Variants in CLTCL1 observed in about 807,000 individuals in gnomAD.
CLTCL1 encodes the protein clathrin heavy chain like 1.
In CLTCL1, 159 loss-of-function variants were observed where a neutral mutation model predicts 190.0. The ratio of observed to expected loss-of-function variants is 0.84; its 90% CI spans 0.74 to 0.95. The LOEUF is 0.95. Ranked by LOEUF, CLTCL1 falls within the 40% of genes least tolerant of loss-of-function variation. The pLI is 0.00. For synonymous variants in CLTCL1, 752 were observed against 769.6 expected (o/e 0.98, Z 0.38); for missense variants, 1,878 against 2,033.4 (o/e 0.92, Z 1.47).
At position 19,226,210 on chromosome 22, in the gene CLTCL1, A is replaced by G; in HGVS notation, c.1947+9T>C. 2 of 1,613,132 alleles carry G rather than the reference A, an allele frequency of 1.2e-6. No homozygotes were observed. The highest frequency in any genetic ancestry group is 2.7e-5 in the African/African-American group (2 of 75,046). ...AGCCATAATAGGAGTGCCCAGGGGT[A>G]CACAGTACCTCGGGATTGAGGAGGT... On this transcript the variant is annotated intron_variant, in intron 12 of 32. Transcript: ENST00000427926.
In CLTCL1 at chr22:19,222,680, G is replaced by C. The variant is rs1427894604; in HGVS notation, c.2418+4C>G. The C allele has an allele frequency of 6.3e-7, 1 of 1,588,372 alleles. No homozygotes were observed. Among genetic ancestry groups the C allele is most frequent in the Non-Finnish European group, 8.6e-7 (1 of 1,167,242 alleles). On this transcript the variant is annotated splice_donor_region_variant and intron_variant, in intron 15 of 32. Coordinates refer to ENST00000427926, the MANE Select transcript of CLTCL1 (RefSeq NM_007098.4). ...CGGGTGTCACTCCAGGGAGCCAGCA[G>C]TACCTTCTGCACGTAGATCTCAATG...
intron 29 of CLTCL1, among the ~76,000 whole-genome samples, chr22:19,186,703 C>T (rs920831066): frequency 3.3e-5 from 5 of 151,978 alleles, no homozygotes; most frequent in South Asian, 2.1e-4. Context: ...TGGGTTCAAG[C>T]GATTCTCCTG....
chr22:19,221,481 C>T lies in CLTCL1; in HGVS notation c.2692G>A (p.Ala898Thr), dbSNP rs1555952276. ...CCCACCACGCTGCTGTCATAGTAGG[C>T]ATTCTCTCTCAGGAAGCACTCGGGG... ...NSPECFLREN[A>T]YYDSSVVGRY... is the part of the protein sequence containing the mutation. Residue 898 changes from alanine (A) to threonine (T), a missense_variant, in exon 17 of 33, where the codon GCC becomes ACC. Coordinates refer to ENST00000427926, the MANE Select transcript of CLTCL1 (RefSeq NM_007098.4). 2 of 1,595,034 alleles carry T rather than the reference C, an allele frequency of 1.3e-6. No homozygotes were observed. Among genetic ancestry groups the T allele is most frequent in the Non-Finnish European group, 1.7e-6 (2 of 1,170,514 alleles).
At chr22:19,234,344 C>G (rs1169756505) in intron 7 of CLTCL1, among the ~76,000 whole-genome samples, 165 bp downstream of exon 7, 7 of 152,194 alleles carry the variant, frequency 4.6e-5, no homozygotes, top group African/African-American at 7.2e-5. Flanking sequence ...TTTTTGTTTA[C>G]TTCCTTTACT....
At chr22:19,204,894 G>A (rs782204079) in intron 22 of CLTCL1, among the ~76,000 whole-genome samples, 2 of 152,158 alleles carry the variant, frequency 1.3e-5, no homozygotes, top group African/African-American at 2.4e-5. Flanking sequence ...TATGAACATA[G>A]GTAAAGAGCC....
At chr22:19,244,124 C>T (rs1211401465) in intron 3 of CLTCL1, among the ~76,000 whole-genome samples, 1 of 152,232 alleles carries the variant, frequency 6.6e-6, no homozygotes, top group Non-Finnish European at 1.5e-5. Context: ...TCAATCCTCT[C>T]TGCTGAGTGA....
At chr22:19,266,003 A>G (rs1361640603) in intron 2 of CLTCL1, among the ~76,000 whole-genome samples, 1 of 151,948 alleles carries the variant, frequency 6.6e-6, no homozygotes, top group Non-Finnish European at 1.5e-5. Context: ...ACTTCTGAGT[A>G]GCTGGAACCA....
chr22:19,196,755 G>A (rs373533936), intron 24 of CLTCL1, 99 bp from the exon 25 acceptor site: 2 of 1,364,798 alleles, frequency 1.5e-6, no homozygotes, highest in Admixed American at 2.3e-5. Flanking sequence ...GCTTGTGACT[G>A]GGAATGATCC....
intron 26 of CLTCL1, among the ~76,000 whole-genome samples, chr22:19,193,089 G>C (rs2084569656): frequency 6.6e-6 from 1 of 152,078 alleles, no homozygotes; most frequent in African/African-American, 2.4e-5. Context: ...CAACCACAAG[G>C]CTCCTCAGGC....
chr22:19,233,757 C>T, intron 7 of CLTCL1, 135 bp from the exon 8 acceptor site: 1 of 724,796 alleles, frequency 1.4e-6, no homozygotes, highest in East Asian at 2.7e-5. Flanking sequence ...AAGTCCTCTA[C>T]CAAGGCAACT....
chr22:19,265,167 GCTATAA>G (rs2087080914), intron 2 of CLTCL1, among the ~76,000 whole-genome samples: 1 of 152,116 alleles, frequency 6.6e-6, no homozygotes, highest in South Asian at 2.1e-4. Flanking sequence ...TCTAAAGTTA[GCTATAA>G]CTATATTATC....
intron 4 of CLTCL1, 93 bp from the exon 5 acceptor site, chr22:19,239,481 A>G: frequency 1.2e-6 from 1 of 860,376 alleles, no homozygotes; most frequent in Non-Finnish European, 2.0e-6. Flanking sequence ...CCTCAGCTCC[A>G]CACACTGGAT....
chr22:19,201,345 G>C lies in CLTCL1; in HGVS notation c.3749C>G (p.Thr1250Ser). ...AVDNSRKASS[T>S]RTWKEVCFAC... ...GCAGCTCACCTCCTTCCACGTCCGG[G>C]TGCTGCTGGCCTTGCGGCTGTTGTC... is the stretch of plus-strand genomic sequence containing the variant. The change falls in exon 23 of 33, where the codon ACC (threonine) becomes AGC (serine). Residue 1250 changes from threonine to serine, a missense_variant. Physicochemically the swap from Thr to Ser is moderately conservative, Grantham distance 58. Transcript: ENST00000427926. 6.2e-7 allele frequency: 1 copy of C among 1,612,478 alleles called. No individual in the cohort carries two copies.
rs1555928927 is a variant in CLTCL1 at position 19,187,573 on chromosome 22, C to T, written c.4590G>A (p.Lys1530=). The T allele has an allele frequency of 6.2e-6, 10 of 1,611,654 alleles. No homozygotes were observed. The highest frequency in any genetic ancestry group is 1.1e-5 in the South Asian group (1 of 91,020). Residue 1530 remains lysine, a synonymous_variant, in exon 29 of 33, where the codon AAG becomes AAA. Coordinates refer to ENST00000427926, the MANE Select transcript of CLTCL1 (RefSeq NM_007098.4). ...GGCCACCAACCTTGTAGAGATGATC[C>T]TTCTTGCAGAGCTCCACGCTCTGGG... ...WWAQSVELCK[K]DHLYKDAMQH... is the part of the protein sequence containing the mutation.
At position 19,214,502 on chromosome 22, in the gene CLTCL1, C is replaced by T. The variant is rs552551307; in HGVS notation, c.3065+1609G>A. On this transcript the variant is annotated intron_variant, in intron 19 of 32. Coordinates refer to ENST00000427926, the MANE Select transcript of CLTCL1 (RefSeq NM_007098.4). ...TTGGTTGTGTTGCAAATATCTTCCC[C>T]GCATTTGTAGCTTCTCATTTGTCCA... Among the ~76,000 whole-genome samples, 26 of 152,156 alleles carry T rather than the reference C, an allele frequency of 1.7e-4. No individual in the cohort carries two copies. The South Asian group carries it at 3.9e-3, about 23-fold the overall frequency.
chr22:19,274,257 C>A (rs1372505725), intron 2 of CLTCL1, among the ~76,000 whole-genome samples: 5 of 152,118 alleles, frequency 3.3e-5, no homozygotes, highest in Admixed American at 2.6e-4. Flanking sequence ...AGGCCAGGAG[C>A]TCAAGACCAG....
At chr22:19,272,501 G>A (rs111841104) in intron 2 of CLTCL1, among the ~76,000 whole-genome samples, 3 of 152,024 alleles carry the variant, frequency 2.0e-5, no homozygotes, top group Admixed American at 6.6e-5. Flanking sequence ...ACAGAGTTTC[G>A]CTCTTGTTGC....
intron 29 of CLTCL1, chr22:19,184,005 G>A (rs1245321488): frequency 2.6e-5 from 8 of 310,740 alleles, no homozygotes; most frequent in Admixed American, 1.4e-4. Context: ...GGAGGGGTAC[G>A]GCTACTGCTC....
At chr22:19,246,571 G>C (rs546832502) in intron 3 of CLTCL1, among the ~76,000 whole-genome samples, 1 of 151,828 alleles carries the variant, frequency 6.6e-6, no homozygotes, top group Admixed American at 6.6e-5. Context: ...CTGCCTTCCA[G>C]GTTCAAGCAA....
Sources: gnomAD v4.1 joint callset for allele counts (sites outside exome capture counted in the v4.1 genomes callset) on GRCh38, gnomAD v4.1.1 for gene constraint, MANE v1.5 for transcripts, NCBI Gene and HGNC (gene_info 2026-07-23, HGNC 2026-07-21) for gene names.